TNXB: variants seen among roughly 807,000 people sequenced by gnomAD.
TNXB encodes tenascin-X.
A neutral mutation model predicts 340.5 loss-of-function variants in TNXB; 183 were observed. The ratio of observed to expected loss-of-function variants is 0.54; its 90% CI spans 0.48 to 0.61. The LOEUF is 0.61. Ranked by LOEUF, TNXB falls within the 20% of genes least tolerant of loss-of-function variation. The probability of loss-of-function intolerance (pLI) is 0.00; values close to 1 mark genes in which losing one functional copy is unlikely to be tolerated. For synonymous variants in TNXB, 2,121 were observed against 2,314.5 expected, an observed-to-expected ratio of 0.92 and a Z score of 2.40; for missense variants, 4,613 against 5,446.4, an observed-to-expected ratio of 0.85 and a Z score of 4.82.
intron 1 of TNXB, among the ~76,000 whole-genome samples, chr6:32,106,885 T>G (rs1331289238): frequency 6.6e-6 from 1 of 152,228 alleles, no homozygotes; most frequent in Non-Finnish European, 1.5e-5. Flanking sequence ...CTTACAAATA[T>G]ATTAATGTGT....
chr6:32,089,964 T>C lies in TNXB; in HGVS notation c.2359-585A>G, dbSNP rs924744079. On this transcript the variant is annotated intron_variant, in intron 4 of 43. Transcript: ENST00000644971. The surrounding 1 kb of genome is among the most constrained non-coding windows in gnomAD (Gnocchi z 6.2). ...AGTTGCACTTTCTCCTTAAAGGGTC[T>C]GCCTCACCCTGAACCTCCTCGTAGA... Among the ~76,000 whole-genome samples the C allele has an allele frequency of 2.6e-5, 4 of 152,208 alleles. No homozygotes were observed. The highest frequency in any genetic ancestry group is 7.2e-5 in the African/African-American group (3 of 41,456).
In TNXB at chr6:32,067,691, C is replaced by A. The variant is rs766408404; in HGVS notation, c.6514G>T (p.Val2172Leu). 1.2e-6 allele frequency: 2 copies of A among 1,613,714 alleles called. No individual in the cohort carries two copies. The highest frequency in any genetic ancestry group is 8.5e-7 in the Non-Finnish European group (1 of 1,179,762). The change falls in exon 18 of 44, where the codon GTG becomes TTG. Residue 2172 changes from valine (V) to leucine (L), a missense_variant. Val to Leu is a conservative substitution (Grantham distance 32, BLOSUM62 1). Coordinates refer to ENST00000644971, the MANE Select transcript of TNXB (RefSeq NM_001365276.2). This position sits in a 1 kb window ranked among gnomAD's most constrained non-coding sequence, Gnocchi z 4.2. ...HLYGLHEGRR[V>L]GPVSAVGVTA... ...ACGCCCACAGCAGACACTGGGCCCA[C>A]GCGCCGCCCCTCGTGGAGGCCGTAC...
At chr6:32,102,396 A>T (rs1000912498) in intron 1 of TNXB, among the ~76,000 whole-genome samples, 7 of 152,222 alleles carry the variant, frequency 4.6e-5, no homozygotes, top group African/African-American at 1.7e-4. Flanking sequence ...GTCCATTCAT[A>T]AAGTGGATAA....
chr6:32,097,487 C>T lies in TNXB; in HGVS notation c.404-38G>A. The T allele has an allele frequency of 6.4e-7, 1 of 1,562,848 alleles. No homozygotes were observed. Among genetic ancestry groups the T allele is most frequent in the South Asian group, 1.2e-5 (1 of 84,568 alleles). On this transcript the variant is annotated intron_variant, in intron 2 of 43. Coordinates refer to ENST00000644971, the MANE Select transcript of TNXB (RefSeq NM_001365276.2). This position sits in a 1 kb window ranked among gnomAD's most constrained non-coding sequence, Gnocchi z 5.9. The stretch of plus-strand genomic sequence containing the variant: ...GGGAGAGGCAAGTCTCAGTCTCTCT[C>T]CTGGGAGAGAGGCTGAGCCTATGTA...
rs779411545 is a variant in TNXB, at chr6:32,048,613, C to T, written c.9795G>A (p.Leu3265=). ...TCACGGCCGCCACCGCCAGCTCCCC[C>T]AGGCGGGGCTCCACCGGCAGTGGTG... is the stretch of plus-strand genomic sequence containing the variant. The part of the protein sequence containing the change: ...LPTPLPVEPR[L]GELAVAAVTS... Residue 3265 remains leucine (L), a synonymous_variant, in exon 29 of 44, where the codon CTG becomes CTA. Transcript: ENST00000644971. 1.3e-6 allele frequency: 2 copies of T among 1,526,752 alleles called. No homozygotes were observed. Among genetic ancestry groups the T allele is most frequent in the Non-Finnish European group, 1.8e-6 (2 of 1,130,872 alleles). The allele number at this position is 1,526,752 out of a possible 1,614,324, so 94.6% of individuals were successfully genotyped here. A position where few individuals can be genotyped will look rare whatever the true frequency, so the allele number is the denominator to read the frequency against.
chr6:32,097,593 T>C lies in TNXB; in HGVS notation c.404-144A>G. ...TGCTCCCAGTTGCTAGTATGTGTAA[T>C]GTATGCAGCCTCTCAGGGCCCTCGC... On this transcript the variant is annotated intron_variant, in intron 2 of 43. Coordinates refer to ENST00000644971, the MANE Select transcript of TNXB (RefSeq NM_001365276.2). This position sits in a 1 kb window ranked among gnomAD's most constrained non-coding sequence, Gnocchi z 5.9. 1.7e-6 allele frequency: 2 copies of C among 1,157,484 alleles called. No individual in the cohort carries two copies. The highest frequency in any genetic ancestry group is 2.4e-6 in the Non-Finnish European group (2 of 841,776). The allele number at this position is 1,157,484 out of a possible 1,614,324, so 71.7% of individuals were successfully genotyped here.
Position 32,042,564 on chromosome 6 carries a change from A to G in TNXB, c.12101T>C (p.Met4034Thr). The G allele has an allele frequency of 6.2e-7, 1 of 1,606,082 alleles. No individual in the cohort carries two copies. Among genetic ancestry groups the G allele is most frequent in the Non-Finnish European group, 8.5e-7 (1 of 1,177,180 alleles). The change falls in exon 40 of 44, where the codon ATG becomes ACG. Residue 4034 changes from methionine to threonine, a missense_variant. Coordinates refer to ENST00000644971, the MANE Select transcript of TNXB (RefSeq NM_001365276.2). Reference sequence around the variant, plus strand: ...CCTGGAGGCACCGGCTCCGTTCTGCATCTCCTCCCCGCAGTCCCTGGGGAA... The same window carrying G: ...CCTGGAGGCACCGGCTCCGTTCTGCGTCTCCTCCCCGCAGTCCCTGGGGAA... ...IPFPRDCGEEMQNGAGASRTS... is the reference protein window; with the variant it reads ...IPFPRDCGEETQNGAGASRTS...
At chr6:32,086,229 AC>A (rs1779768636) in intron 6 of TNXB, 111 bp from the exon 7 acceptor site, 8 of 1,310,602 alleles carry the variant, frequency 6.1e-6, no homozygotes, top group Non-Finnish European at 8.1e-6. Flanking sequence ...TTCTACTTCT[AC>A]TTCTGGTTCC....
At position 32,064,705 on chromosome 6, in the gene TNXB, C is replaced by T. The variant is rs1055127529; in HGVS notation, c.6841+116G>A. The T allele has an allele frequency of 7.1e-7, 1 of 1,405,490 alleles. No individual in the cohort carries two copies. The highest frequency in any genetic ancestry group is 9.4e-7 in the Non-Finnish European group (1 of 1,061,310). 87.1% of individuals were successfully genotyped at this position (1,405,490 alleles called of 1,614,324 possible). A position where few individuals can be genotyped will look rare whatever the true frequency, so the allele number is the denominator to read the frequency against. On this transcript the variant is annotated intron_variant, in intron 19 of 43. Transcript: ENST00000644971. The surrounding 1 kb of genome is among the most constrained non-coding windows in gnomAD (Gnocchi z 5.3). ...GTGAAGGCACCAGCAGAACCATTCC[C>T]AGGAGCTTGGGAGGCTTGGTCTCAG...
Position 32,062,022 on chromosome 6 carries a change from T to C in TNXB, c.7168+135A>G. ...GGGTCAACCACACAAAAAGGTACAA[T>C]GGGAGCCCCAGCCCCAGCCACAAGT... On this transcript the variant is annotated intron_variant, in intron 20 of 43. Transcript: ENST00000644971. This position sits in a 1 kb window ranked among gnomAD's most constrained non-coding sequence, Gnocchi z 4.3. 8.2e-7 allele frequency: 1 copy of C among 1,213,828 alleles called. No individual in the cohort carries two copies. The highest frequency in any genetic ancestry group is 1.1e-6 in the Non-Finnish European group (1 of 882,318). The allele number at this position is 1,213,828 out of a possible 1,614,324, so 75.2% of individuals were successfully genotyped here. A position where few individuals can be genotyped will look rare whatever the true frequency, so the allele number is the denominator to read the frequency against.
Position 32,069,530 on chromosome 6 carries a change from T to C in TNXB, c.5587+23A>G, listed in dbSNP as rs1778619297. 2 of 1,532,116 alleles carry C rather than the reference T, an allele frequency of 1.3e-6. No individual in the cohort carries two copies. Among genetic ancestry groups the C allele is most frequent in the South Asian group, 1.3e-5 (1 of 77,660 alleles). 94.9% of individuals were successfully genotyped at this position (1,532,116 alleles called of 1,614,324 possible). A position where few individuals can be genotyped will look rare whatever the true frequency, so the allele number is the denominator to read the frequency against. ...GAGCCAGGCGGGAAGGAGGCACAGG[T>C]GTTCCAGCTGCCGCACACTCACCAG... is the stretch of plus-strand genomic sequence containing the variant. On this transcript the variant is annotated intron_variant, in intron 15 of 43. Coordinates refer to ENST00000644971, the MANE Select transcript of TNXB (RefSeq NM_001365276.2). The surrounding 1 kb of genome is among the most constrained non-coding windows in gnomAD (Gnocchi z 6.2).
Position 32,043,385 on chromosome 6 carries a change from C to G in TNXB, c.11650+52G>C, listed in dbSNP as rs1776572084. On this transcript the variant is annotated intron_variant, in intron 36 of 43. Coordinates refer to ENST00000644971, the MANE Select transcript of TNXB (RefSeq NM_001365276.2). ...CCTCGGCCAGAGTCCAGCCTCCCCC[C>G]TGCAATCCCCACCCTGAACAAGTCC... The G allele has an allele frequency of 1.3e-5, 6 of 453,842 alleles. No individual in the cohort carries two copies. The Admixed American group carries it at 1.8e-4, about 14-fold the overall frequency. 28.1% of individuals were successfully genotyped at this position (453,842 alleles called of 1,614,324 possible).
At chr6:32,107,383 G>A (rs1373950502) in intron 1 of TNXB, among the ~76,000 whole-genome samples, 20 of 152,074 alleles carry the variant, frequency 1.3e-4, no homozygotes. Context: ...CACACCCAGA[G>A]GCTCCTTCCC....
At position 32,082,192 on chromosome 6, in the gene TNXB, T is replaced by C. The variant is rs757977761; in HGVS notation, c.3580A>G (p.Arg1194Gly). 6.2e-7 allele frequency: 1 copy of C among 1,612,552 alleles called. No individual in the cohort carries two copies. Among genetic ancestry groups the C allele is most frequent in the Admixed American group, 1.7e-5 (1 of 60,020 alleles). Residue 1194 changes from arginine (R) to glycine (G), a missense_variant, in exon 9 of 44, where the codon AGG becomes GGG. Around this residue, in one of 7 missense-constraint regions of TNXB, gnomAD observed 4,327 missense variants for 4,859.4 expected, o/e 0.89. Transcript: ENST00000644971. This position sits in a 1 kb window ranked among gnomAD's most constrained non-coding sequence, Gnocchi z 5.0. ...ACCTGGGGCCGTCCATCCCTGTCCC[T>C]GTACTGGACCATGAAGGTGTCAAAC... The part of the protein sequence containing the change: ...GQFDTFMVQY[R>G]DRDGRPQVVP...
At chr6:32,056,489 G>T in intron 23 of TNXB, 97 bp downstream of exon 23, 1 of 1,530,708 alleles carries the variant, frequency 6.5e-7, no homozygotes, top group South Asian at 1.2e-5. Flanking sequence ...CTGTGGTGCT[G>T]ACCGGACCCC....
chr6:32,046,398 G>A lies in TNXB; in HGVS notation c.10383C>T (p.Thr3461=). ...TCCAGGACAGGCGCAGAGAGCTGGAGGTCTCCTCAGCCACGGTCAGTTCCC... is the reference window on the plus strand; with the variant it reads ...TCCAGGACAGGCGCAGAGAGCTGGAAGTCTCCTCAGCCACGGTCAGTTCCC... ...HLGELTVAEE[T]SSSLRLSWTV... The change falls in exon 31 of 44, where the codon ACC becomes ACT. Residue 3461 remains threonine (T), a synonymous_variant. Coordinates refer to ENST00000644971, the MANE Select transcript of TNXB (RefSeq NM_001365276.2). This position sits in a 1 kb window ranked among gnomAD's most constrained non-coding sequence, Gnocchi z 6.9. 2 of 1,586,232 alleles carry A rather than the reference G, an allele frequency of 1.3e-6. No homozygotes were observed. Among genetic ancestry groups the A allele is most frequent in the South Asian group, 1.1e-5 (1 of 89,050 alleles).
Position 32,084,113 on chromosome 6 carries a change from G to A in TNXB, c.3445+300C>T, listed in dbSNP as rs375583899. On this transcript the variant is annotated intron_variant, in intron 8 of 43. Transcript: ENST00000644971. The surrounding 1 kb of genome is among the most constrained non-coding windows in gnomAD (Gnocchi z 5.5). ...GCCCAAGCCCCTCAGCACAGCACAG[G>A]AAGCCCTGAGACCAGGCCCTTTGGC... Among the ~76,000 whole-genome samples, 21 of 152,272 alleles carry A rather than the reference G, an allele frequency of 1.4e-4. No homozygotes were observed. Among genetic ancestry groups the A allele is most frequent in the African/African-American group, 5.1e-4 (21 of 41,536 alleles).
In TNXB at chr6:32,084,312, CTCCAGGAAGCCT is replaced by C. The variant is rs71536108; in HGVS notation, c.3445+89_3445+100del. On this transcript the variant is annotated intron_variant, in intron 8 of 43. Transcript: ENST00000644971. The surrounding 1 kb of genome is among the most constrained non-coding windows in gnomAD (Gnocchi z 5.5). Reference sequence around the variant, plus strand: ...CAGAATTCAGCTCATGCACCACTGCCTCCAGGAAGCCTTCCCGGAGCTCCCAAAGCAGGTTCC... The same window carrying C: ...CAGAATTCAGCTCATGCACCACTGCCTCCCGGAGCTCCCAAAGCAGGTTCC... The C allele has an allele frequency of 0.091, 112,241 of 1,229,532 alleles. 5,287 individuals are homozygous for C. The highest frequency in any genetic ancestry group is 0.14 in the South Asian group (7,754 of 55,998). 76.2% of individuals were successfully genotyped at this position (1,229,532 alleles called of 1,614,324 possible).
rs1349985517 is a variant in TNXB at position 32,053,522 on chromosome 6, T to A, written c.8657A>T (p.Lys2886Met). ...VQYRNGDGQP[K>M]VVRVPGHEDG... ...CTCGTGCCCCGGCACCCGCACCACC[T>A]TGGGCTGCCCATCCCCATTCCTGTA... The change falls in exon 25 of 44, where the codon AAG becomes ATG. Residue 2886 changes from lysine to methionine, a missense_variant. Transcript: ENST00000644971. 1 of 1,613,512 alleles carries A rather than the reference T, an allele frequency of 6.2e-7. No individual in the cohort carries two copies. The highest frequency in any genetic ancestry group is 8.5e-7 in the Non-Finnish European group (1 of 1,179,892).
Sources: gnomAD v4.1 joint callset for allele counts (sites outside exome capture counted in the v4.1 genomes callset) on GRCh38, gnomAD v4.1.1 for gene constraint, gnomAD v4.1.1 regional missense constraint, Gnocchi (gnomAD v3.1) non-coding constraint, MANE v1.5 for transcripts, NCBI Gene and HGNC (gene_info 2026-07-23, HGNC 2026-07-21) for gene names.